Variants in IKBKB observed in about 807,000 individuals in gnomAD.
IKBKB encodes the protein inhibitor of nuclear factor kappa B kinase subunit beta, also known as inhibitor of nuclear factor kappa-B kinase subunit beta.
IKBKB carries 42 observed loss-of-function variants against 113.6 expected under a neutral mutation model. The observed-to-expected ratio is 0.37, with a 90% CI of 0.29 to 0.48. The LOEUF is 0.48. Ranked by LOEUF, IKBKB falls within the 20% of genes least tolerant of loss-of-function variation. The probability of loss-of-function intolerance (pLI) is 0.99; values close to 1 mark genes in which losing one functional copy is unlikely to be tolerated. For synonymous variants in IKBKB, 296 were observed against 361.3 expected, an observed-to-expected ratio of 0.82 and a Z score of 2.05; for missense variants, 673 against 939.7, an observed-to-expected ratio of 0.72 and a Z score of 3.71.
chr8:42,293,495 C>A lies in IKBKB; in HGVS notation c.371C>A (p.Thr124Asn). Residue 124 changes from threonine to asparagine, a missense_variant, in exon 5 of 22, where the codon ACC becomes AAC. Thr to Asn is a moderately conservative substitution (Grantham distance 65). Around this residue, in one of 2 missense-constraint regions of IKBKB, gnomAD observed 167 missense variants for 301.0 expected, o/e 0.55. Transcript: ENST00000520810. ...GGTCTGCGGGAAGGTGCCATCCTCA[C>A]CTTGCTGAGTGACATTGGTAAATCC... is the stretch of plus-strand genomic sequence containing the variant. The part of the protein sequence containing the change: ...CCGLREGAIL[T>N]LLSDIASALR... The A allele has an allele frequency of 6.2e-7, 1 of 1,614,196 alleles. No homozygotes were observed. The highest frequency in any genetic ancestry group is 8.5e-7 in the Non-Finnish European group (1 of 1,180,028).
intron 19 of IKBKB, 120 bp downstream of exon 19, chr8:42,322,614 C>A: frequency 2.0e-6 from 2 of 1,014,124 alleles, no homozygotes; most frequent in Non-Finnish European, 2.9e-6. Flanking sequence ...CACTCAGCTG[C>A]TGCTCGGGCT....
intron 19 of IKBKB, chr8:42,325,348 C>CGG (rs1269115216): frequency 1.0e-6 from 1 of 985,664 alleles, no homozygotes. Context: ...TGTCTGTCTT[C>CGG]TACCTGGAAA....
At chr8:42,305,081 A>G in intron 5 of IKBKB, 106 bp from the exon 6 acceptor site, 1 of 751,800 alleles carries the variant, frequency 1.3e-6, no homozygotes, top group Non-Finnish European at 2.3e-6. Flanking sequence ...GCTACAAGTC[A>G]GAGTATGTTT....
intron 2 of IKBKB, among the ~76,000 whole-genome samples, chr8:42,276,030 G>A (rs958860183): frequency 2.6e-5 from 4 of 152,028 alleles, no homozygotes; most frequent in Admixed American, 6.6e-5. Flanking sequence ...CAGCAGAGAC[G>A]GGGTTTTACC....
At chr8:42,296,314 T>C (rs1813788032) in intron 5 of IKBKB, among the ~76,000 whole-genome samples, 1 of 151,032 alleles carries the variant, frequency 6.6e-6, no homozygotes, top group Non-Finnish European at 1.5e-5. Context: ...CTGACTAACA[T>C]GGAGAAACCC....
chr8:42,324,576 A>C (rs938190746), intron 19 of IKBKB: 1 of 152,648 alleles, frequency 6.6e-6, no homozygotes, highest in African/African-American at 2.4e-5. Flanking sequence ...TCCATTTTCA[A>C]AGCACACAGG....
chr8:42,324,133 T>G (rs1246881576), intron 19 of IKBKB, among the ~76,000 whole-genome samples: 1 of 152,170 alleles, frequency 6.6e-6, no homozygotes, highest in Non-Finnish European at 1.5e-5. Context: ...ACAGAGACAC[T>G]GCTTTATCAA....
At chr8:42,278,163 G>A (rs17875741) in intron 2 of IKBKB, among the ~76,000 whole-genome samples, 2,397 of 152,274 alleles carry the variant, frequency 0.016, 22 homozygotes, top group South Asian at 0.031. Flanking sequence ...GAGAAGGTGG[G>A]AGGAGAGTTC....
chr8:42,329,357 C>G (rs1253605915), intron 21 of IKBKB, 143 bp downstream of exon 21: 83 of 1,271,440 alleles, frequency 6.5e-5, no homozygotes, highest in Admixed American at 8.5e-5. Context: ...GGGTCTCTCT[C>G]TCTCACCCAG....
chr8:42,327,358 G>T (rs1820958655), intron 20 of IKBKB, among the ~76,000 whole-genome samples: 1 of 113,972 alleles, frequency 8.8e-6, no homozygotes, highest in South Asian at 2.9e-4. Flanking sequence ...TTTTGAGACA[G>T]ACTCTTGCTC....
At chr8:42,283,584 G>A (rs1006055286) in intron 2 of IKBKB, among the ~76,000 whole-genome samples, 3 of 152,128 alleles carry the variant, frequency 2.0e-5, no homozygotes, top group African/African-American at 7.2e-5. Flanking sequence ...AGAAAGTGGC[G>A]CTTCTAGAAG....
intron 5 of IKBKB, among the ~76,000 whole-genome samples, chr8:42,294,524 C>A (rs967101089): frequency 3.3e-5 from 5 of 152,142 alleles, no homozygotes; most frequent in Non-Finnish European, 7.3e-5. Context: ...CTGGTCTCTT[C>A]CTGACTGCTG....
intron 2 of IKBKB, among the ~76,000 whole-genome samples, chr8:42,275,196 T>C (rs1157294981): frequency 2.0e-5 from 3 of 151,072 alleles, no homozygotes; most frequent in Non-Finnish European, 4.4e-5. Context: ...TTTTAATTTT[T>C]AATTTCTTTG....
chr8:42,288,665 GC>G lies in IKBKB; in HGVS notation c.139del (p.Arg47GlyfsTer19). ...GGTGAGCAGATTGCCATCAAGCAGT[GC>G]CGGCAGGAGCTCAGCCCCCGGAACC... ...ETGEQIAIKQCRQELSPRNRE... is the reference protein window; with the variant it reads ...ETGEQIAIKQXRQELSPRNRE... On this transcript the variant is annotated frameshift_variant, in exon 3 of 22. Coordinates refer to ENST00000520810, the MANE Select transcript of IKBKB (RefSeq NM_001556.3). LOFTEE classifies it high-confidence loss of function. 6.2e-7 allele frequency: 1 copy of G among 1,611,616 alleles called. No individual in the cohort carries two copies. Among genetic ancestry groups the G allele is most frequent in the Non-Finnish European group, 8.5e-7 (1 of 1,178,836 alleles).
intron 2 of IKBKB, among the ~76,000 whole-genome samples, chr8:42,272,765 C>T (rs1808060181): frequency 6.6e-6 from 1 of 151,574 alleles, no homozygotes; most frequent in Non-Finnish European, 1.5e-5. Flanking sequence ...CTGTGAAACC[C>T]CATCTCTACT....
At chr8:42,307,446 C>T (rs1563338242) in intron 7 of IKBKB, among the ~76,000 whole-genome samples, 1 of 152,198 alleles carries the variant, frequency 6.6e-6, no homozygotes, top group Non-Finnish European at 1.5e-5. Flanking sequence ...ACTCCTGACA[C>T]TGTGTGGAGA....
At chr8:42,327,566 C>T (rs1216204902) in intron 20 of IKBKB, among the ~76,000 whole-genome samples, 3 of 151,470 alleles carry the variant, frequency 2.0e-5, no homozygotes, top group Admixed American at 2.0e-4. Context: ...ATCTCCTGAC[C>T]TTGTGATCCA....
At chr8:42,307,958 CT>C (rs764150429) in intron 7 of IKBKB, among the ~76,000 whole-genome samples, 4 of 152,226 alleles carry the variant, frequency 2.6e-5, no homozygotes, top group Non-Finnish European at 2.9e-5. Context: ...CTCCACCCAC[CT>C]GCTAAGCCCA....
At chr8:42,323,924 G>A (rs1820249663) in intron 19 of IKBKB, among the ~76,000 whole-genome samples, 1 of 152,214 alleles carries the variant, frequency 6.6e-6, no homozygotes. Flanking sequence ...CCTGTTCCCA[G>A]GAGGGCCTGA....
Sources: gnomAD v4.1 joint callset for allele counts (sites outside exome capture counted in the v4.1 genomes callset) on GRCh38, gnomAD v4.1.1 for gene constraint, gnomAD v4.1.1 regional missense constraint, MANE v1.5 for transcripts, NCBI Gene and HGNC (gene_info 2026-07-23, HGNC 2026-07-21) for gene names.